The following TUG1 variants were observed in gnomAD, a reference collection of about 807,000 sequenced individuals.
TUG1 encodes taurine up-regulated 1, also known as taurine upregulated gene 1.
exon 2 of TUG1, chr22:30,973,047 T>TAA (rs1373507175): frequency 6.5e-6 from 1 of 152,814 alleles, no homozygotes; most frequent in African/African-American, 2.4e-5. Flanking sequence ...ATGTGGCCTT[T>TAA]ACCTCCACTC....
chr22:30,974,118 A>G (rs1330340265), intron 2 of TUG1: 1 of 152,176 alleles, frequency 6.6e-6, no homozygotes, highest in African/African-American at 2.4e-5. Context: ...CTATGGTCCT[A>G]TCTTTGCAAA....
exon 3 of TUG1, chr22:30,976,177 C>CA (rs2041286564): frequency 6.6e-6 from 1 of 151,900 alleles, no homozygotes; most frequent in Non-Finnish European, 1.5e-5. Flanking sequence ...CTTCAAGCGA[C>CA]AATCTTTGAA....
At chr22:30,971,739 C>T (rs547102763) in exon 1 of TUG1, 2 of 153,044 alleles carry the variant, frequency 1.3e-5, no homozygotes, top group East Asian at 1.9e-4. Context: ...TGTCCAGACC[C>T]TCAGTGCAAA....
At chr22:30,974,103 C>T (rs1193709176) in intron 2 of TUG1, 1 of 152,100 alleles carries the variant, frequency 6.6e-6, no homozygotes, top group African/African-American at 2.4e-5. Context: ...GCCCTAAGAG[C>T]TTGTCTATGG....
At chr22:30,978,737 T>G (rs548705211) in exon 3 of TUG1, 1 of 152,310 alleles carries the variant, frequency 6.6e-6, no homozygotes, top group South Asian at 2.1e-4. Context: ...ATGGAGAGAC[T>G]TGAATCCTGA....
chr22:30,971,965 T>G (rs998610364), intron 1 of TUG1, 186 bp downstream of exon 1: 8 of 152,244 alleles, frequency 5.3e-5, no homozygotes, highest in Admixed American at 3.9e-4. Context: ...GCTTTAAAGT[T>G]TTATGACATT....
chr22:30,972,906 C>A (rs1049523482), exon 2 of TUG1: 1 of 153,512 alleles, frequency 6.5e-6, no homozygotes, highest in African/African-American at 2.4e-5. Context: ...GACTACCTTC[C>A]CTGTGCTATT....
chr22:30,975,308 GC>G (rs1447478778), exon 3 of TUG1: 1 of 152,212 alleles, frequency 6.6e-6, no homozygotes, highest in Non-Finnish European at 1.5e-5. Flanking sequence ...AAGAGTAGGG[GC>G]CTGAATCCTG....
chr22:30,976,512 T>G (rs2041289481), exon 3 of TUG1: 1 of 152,226 alleles, frequency 6.6e-6, no homozygotes, highest in African/African-American at 2.4e-5. Flanking sequence ...CTTGTGGATA[T>G]TTTAGTGGAA....
exon 3 of TUG1, chr22:30,977,821 C>T (rs1385925009): frequency 6.6e-6 from 1 of 152,154 alleles, no homozygotes; most frequent in Non-Finnish European, 1.5e-5. Context: ...CCACACCTCA[C>T]CCACTAGGAC....
chr22:30,974,322 C>T (rs1005205227), intron 2 of TUG1: 6 of 144,676 alleles, frequency 4.1e-5, no homozygotes, highest in African/African-American at 1.6e-4. Context: ...ATTACTACTG[C>T]TTCTGTGCTT....
At chr22:30,972,764 G>A (rs958198959) in intron 1 of TUG1, 91 bp from the exon 2 acceptor site, 5 of 153,152 alleles carry the variant, frequency 3.3e-5, no homozygotes, top group African/African-American at 1.2e-4. Context: ...CCATCAGGCT[G>A]CCGATGTGCT....
chr22:30,974,372 T>A (rs2041265520), intron 2 of TUG1: 1 of 150,916 alleles, frequency 6.6e-6, no homozygotes, highest in African/African-American at 2.4e-5. Context: ...AGACTTCTAG[T>A]AAAGAGTTCC....
chr22:30,975,918 A>G (rs2041282893), exon 3 of TUG1: 1 of 148,238 alleles, frequency 6.7e-6, no homozygotes, highest in African/African-American at 2.5e-5. Context: ...TACTGGCAAC[A>G]TTTCCTAAAG....
At chr22:30,971,334 C>T (rs1156659053) in exon 1 of TUG1, 1 of 152,144 alleles carries the variant, frequency 6.6e-6, no homozygotes, top group Admixed American at 6.6e-5. Flanking sequence ...TAATTAAATC[C>T]GGATGTACCT....
exon 3 of TUG1, chr22:30,975,668 C>T (rs995420035): frequency 3.3e-5 from 5 of 152,168 alleles, no homozygotes; most frequent in Non-Finnish European, 7.3e-5. Context: ...AGCCAGAGAA[C>T]AATTCTATGC....
chr22:30,978,704 G>C (rs1051757206), exon 3 of TUG1: 1 of 152,224 alleles, frequency 6.6e-6, no homozygotes, highest in Non-Finnish European at 1.5e-5. Context: ...TGAAGCCAGT[G>C]CAGGGGAAAG....
exon 1 of TUG1, chr22:30,970,741 G>C (rs895623317): frequency 6.6e-6 from 1 of 152,204 alleles, no homozygotes; most frequent in Admixed American, 6.5e-5. Context: ...TGCCAGCCCA[G>C]CTAATTAATG....
exon 3 of TUG1, chr22:30,976,262 A>T (rs933045915): frequency 5.9e-5 from 9 of 151,770 alleles, no homozygotes; most frequent in African/African-American, 1.2e-4. Context: ...TTTTTTTTTA[A>T]TTGCTCTGCC....
Sources: gnomAD v4.1 joint callset for allele counts on GRCh38, gnomAD v4.1.1 for gene constraint, MANE v1.5 for transcripts, NCBI Gene and HGNC (gene_info 2026-07-23, HGNC 2026-07-21) for gene names.